Variants in TECTA observed in about 807,000 individuals in gnomAD.
The protein encoded by TECTA is alpha-tectorin.
TECTA carries 128 observed loss-of-function variants against 216.8 expected under a neutral mutation model. The ratio of observed to expected loss-of-function variants is 0.59; its 90% CI spans 0.51 to 0.68. TECTA has a LOEUF of 0.68. Ranked by LOEUF, TECTA falls within the 30% of genes least tolerant of loss-of-function variation. TECTA has a pLI of 0.00. For synonymous variants in TECTA, 1,089 were observed against 1,117.1 expected (o/e 0.97, Z 0.50); for missense variants, 2,551 against 2,786.2 (o/e 0.92, Z 1.90).
chr11:121,118,430 C>T lies in TECTA; in HGVS notation c.915C>T (p.Cys305=), dbSNP rs367974065. ...QEASCSPYEV[C]EPKGKFFYCS... ...CTTCCTGTAGCCCCTACGAGGTGTG[C>T]GAACCCAAAGGCAAATTCTTCTACT... Residue 305 remains cysteine, a synonymous_variant, in exon 7 of 24, where the codon TGC becomes TGT. Transcript: ENST00000392793. 163 of 1,614,066 alleles carry T rather than the reference C, an allele frequency of 1.0e-4. No individual in the cohort carries two copies. The highest frequency in any genetic ancestry group is 1.3e-4 in the Non-Finnish European group (151 of 1,180,040).
At chr11:121,158,468 C>A (rs1017183954) in intron 14 of TECTA, among the ~76,000 whole-genome samples, 1 of 152,180 alleles carries the variant, frequency 6.6e-6, no homozygotes, top group Non-Finnish European at 1.5e-5. Context: ...CAGAACCAGG[C>A]AATGGCATGG....
chr11:121,168,311 C>G, intron 19 of TECTA, 94 bp downstream of exon 19: 1 of 1,516,352 alleles, frequency 6.6e-7, no homozygotes, highest in Non-Finnish European at 9.1e-7. Flanking sequence ...TCTTTGATGC[C>G]CTAGGAAAAA....
At chr11:121,179,995 T>C (rs896295730) in intron 20 of TECTA, among the ~76,000 whole-genome samples, 11 of 151,190 alleles carry the variant, frequency 7.3e-5, no homozygotes, top group African/African-American at 2.7e-4. Flanking sequence ...TTTTTAGCTG[T>C]TCAACCAGTC....
In TECTA at chr11:121,113,409, C is replaced by CACCTAGAATGCTGGCCCCAGTG. The variant is rs1946463650; in HGVS notation, c.625-141_625-120dup. ...TGAAATGAACTAGGCAGTCCTTTCT[C>CACCTAGAATGCTGGCCCCAGTG]ACCTAGAATGCTGGCCCCAGTGACT... is the stretch of plus-strand genomic sequence containing the variant. On this transcript the variant is annotated intron_variant, in intron 5 of 23. Transcript: ENST00000392793. The surrounding 1 kb of genome is among the most constrained non-coding windows in gnomAD (Gnocchi z 4.2). The CACCTAGAATGCTGGCCCCAGTG allele has an allele frequency of 3.5e-6, 5 of 1,416,192 alleles. No homozygotes were observed. Among genetic ancestry groups the CACCTAGAATGCTGGCCCCAGTG allele is most frequent in the African/African-American group, 1.4e-5 (1 of 70,726 alleles). The allele number at this position is 1,416,192 out of a possible 1,614,324, so 87.7% of individuals were successfully genotyped here. A position where few individuals can be genotyped will look rare whatever the true frequency, so the allele number is the denominator to read the frequency against.
rs1486886552 is a variant in TECTA at position 121,191,012 on chromosome 11, A to G, written c.*206A>G. 1 of 489,792 alleles carries G rather than the reference A, an allele frequency of 2.0e-6. No homozygotes were observed. Among genetic ancestry groups the G allele is most frequent in the Non-Finnish European group, 3.7e-6 (1 of 268,424 alleles). 30.3% of individuals were successfully genotyped at this position (489,792 alleles called of 1,614,324 possible). On this transcript the variant is annotated 3_prime_UTR_variant, in exon 24 of 24. Transcript: ENST00000392793. ...GTATGAAACGGGGCTTCTACAAGCC[A>G]GTTATGGAAAGTATCTCTCTTGTGT...
At chr11:121,128,468 C>G in intron 9 of TECTA, 124 bp downstream of exon 9, 1 of 874,528 alleles carries the variant, frequency 1.1e-6, no homozygotes, top group Non-Finnish European at 1.7e-6. Context: ...GAAGATGGCT[C>G]CAAACGGGAG....
At chr11:121,166,531 C>A (rs1379866969) in intron 17 of TECTA, 47 bp from the exon 18 acceptor site, 1 of 1,604,180 alleles carries the variant, frequency 6.2e-7, no homozygotes, top group Admixed American at 1.7e-5. Flanking sequence ...ACTCCTGCAG[C>A]AAGACCGACT....
intron 10 of TECTA, among the ~76,000 whole-genome samples, chr11:121,131,950 C>G (rs916269750): frequency 1.3e-5 from 2 of 152,168 alleles, no homozygotes; most frequent in Admixed American, 1.3e-4. Flanking sequence ...GATTCGATCG[C>G]TTGCTTAAGG....
intron 10 of TECTA, among the ~76,000 whole-genome samples, chr11:121,136,391 G>A (rs895155897): frequency 1.3e-5 from 2 of 152,290 alleles, no homozygotes; most frequent in South Asian, 2.1e-4. Context: ...GAGCAAAGGG[G>A]CTGCGGGGTG....
intron 11 of TECTA, 149 bp from the exon 12 acceptor site, chr11:121,145,406 C>T (rs576488417): frequency 1.3e-6 from 1 of 783,408 alleles, no homozygotes; most frequent in East Asian, 2.4e-5. Context: ...TAATAGTTGA[C>T]TGACATAAAC....
At chr11:121,166,237 C>T (rs1947052024) in intron 17 of TECTA, among the ~76,000 whole-genome samples, 1 of 152,104 alleles carries the variant, frequency 6.6e-6, no homozygotes, top group Non-Finnish European at 1.5e-5. Flanking sequence ...GTTCTTCAGC[C>T]AGGCCACAAT....
Position 121,125,294 on chromosome 11 carries a change from G to T in TECTA, c.1204-8G>T, listed in dbSNP as rs1191594999. Reference sequence around the variant, plus strand: ...TCACCTGCCTTTCACTATTACTGTTGTTGGCAGGTTAATGACCTAGTGACT... The same window carrying T: ...TCACCTGCCTTTCACTATTACTGTTTTTGGCAGGTTAATGACCTAGTGACT... On this transcript the variant is annotated splice_region_variant and splice_polypyrimidine_tract_variant and intron_variant, in intron 7 of 23. Transcript: ENST00000392793. 1 of 1,611,654 alleles carries T rather than the reference G, an allele frequency of 6.2e-7. No individual in the cohort carries two copies. The highest frequency in any genetic ancestry group is 1.7e-5 in the Admixed American group (1 of 60,032).
rs750062589 is a variant in TECTA at position 121,157,987 on chromosome 11, C to G, written c.4452C>G (p.Thr1484=). The change falls in exon 14 of 24, where the codon ACC becomes ACG. Residue 1484 remains threonine, a synonymous_variant. Transcript: ENST00000392793. ...TGCGCGGCTGCTTCAGCACCAAGAC[C>G]TCCTACTGCCTGGCGGCCGGCGGCG... ...NGVRGCFSTK[T]SYCLAAGGGV... 6.2e-7 allele frequency: 1 copy of G among 1,613,356 alleles called. No individual in the cohort carries two copies. Among genetic ancestry groups the G allele is most frequent in the Non-Finnish European group, 8.5e-7 (1 of 1,179,962 alleles).
chr11:121,107,006 G>A (rs192221560), intron 3 of TECTA, among the ~76,000 whole-genome samples: 89 of 152,292 alleles, frequency 5.8e-4, no homozygotes, highest in Admixed American at 1.7e-3. Context: ...CTCAACCATA[G>A]GATATAATCA....
chr11:121,120,958 C>T (rs910148515), intron 7 of TECTA, among the ~76,000 whole-genome samples: 1 of 152,176 alleles, frequency 6.6e-6, no homozygotes, highest in Non-Finnish European at 1.5e-5. Flanking sequence ...TGAGACAGGG[C>T]CCTCTAGGAG....
chr11:121,141,886 G>T (rs1044243636), intron 11 of TECTA, among the ~76,000 whole-genome samples: 3 of 152,198 alleles, frequency 2.0e-5, no homozygotes, highest in Non-Finnish European at 2.9e-5. Context: ...GGCAGTTAAT[G>T]TCCATGTAAC....
intron 20 of TECTA, among the ~76,000 whole-genome samples, chr11:121,181,479 T>TATTATTATTTC (rs1475034214): frequency 6.6e-5 from 10 of 151,608 alleles, no homozygotes; most frequent in Non-Finnish European, 1.0e-4. Flanking sequence ...ATTATGATTT[T>TATTATTATTTC]ATTTTTTGAA....
chr11:121,138,090 G>A (rs1267238969), intron 11 of TECTA, 68 bp downstream of exon 11: 4 of 1,606,566 alleles, frequency 2.5e-6, no homozygotes, highest in African/African-American at 1.3e-5. Context: ...GGCAAGCCAG[G>A]CTGCAGCTGA....
chr11:121,136,637 G>T (rs577810328), intron 10 of TECTA, among the ~76,000 whole-genome samples: 32 of 152,122 alleles, frequency 2.1e-4, no homozygotes, highest in Admixed American at 2.0e-3. Flanking sequence ...GCTAAATGTG[G>T]TTCATACTTA....
Sources: allele counts gnomAD v4.1 joint callset (sites outside exome capture counted in the v4.1 genomes callset), GRCh38; gene constraint gnomAD v4.1.1; non-coding constraint Gnocchi (gnomAD v3.1); transcripts MANE v1.5; gene names NCBI Gene and HGNC (gene_info 2026-07-23, HGNC 2026-07-21).